The following PEAK1 variants were observed in gnomAD, a reference collection of about 807,000 sequenced individuals.
PEAK1 encodes the protein inactive tyrosine-protein kinase PEAK1.
A neutral mutation model predicts 124.7 loss-of-function variants in PEAK1; 54 were observed. The ratio of observed to expected loss-of-function variants is 0.43; its 90% CI spans 0.35 to 0.54. The LOEUF (loss-of-function observed/expected upper bound fraction) is 0.54, where lower values mean the gene tolerates loss of function less well. Ranked by LOEUF, PEAK1 falls within the 20% of genes least tolerant of loss-of-function variation. The pLI is 0.01. For synonymous variants in PEAK1, 719 were observed against 760.0 expected (o/e 0.95, Z 0.89); for missense variants, 2,046 against 2,134.5 (o/e 0.96, Z 0.82).
chr15:77,264,060 C>G (rs1486865326), intron 5 of PEAK1, among the ~76,000 whole-genome samples: 1 of 152,176 alleles, frequency 6.6e-6, no homozygotes. Context: ...AACAACCCTT[C>G]ATGCTAAAAA....
intron 6 of PEAK1, among the ~76,000 whole-genome samples, chr15:77,229,483 A>G (rs2059811444): frequency 6.6e-6 from 1 of 152,098 alleles, no homozygotes; most frequent in Admixed American, 6.6e-5. Flanking sequence ...GGCACTCATC[A>G]TTCTTATGGG....
chr15:77,265,001 G>A (rs1255135954), intron 5 of PEAK1, among the ~76,000 whole-genome samples: 4 of 152,154 alleles, frequency 2.6e-5, no homozygotes, highest in Admixed American at 1.3e-4. Flanking sequence ...ACAAGCAATG[G>A]GGAAAGGATT....
chr15:77,266,199 A>G (rs1555461302), intron 5 of PEAK1, among the ~76,000 whole-genome samples: 2 of 152,204 alleles, frequency 1.3e-5, no homozygotes, highest in Non-Finnish European at 2.9e-5. Context: ...ACATGTATAC[A>G]TATGTAACTA....
intron 7 of PEAK1, among the ~76,000 whole-genome samples, chr15:77,165,883 G>T (rs1440230812): frequency 6.6e-6 from 1 of 152,180 alleles, no homozygotes; most frequent in African/African-American, 2.4e-5. Flanking sequence ...TAAGGTGGTG[G>T]TAGAGTTGGG....
At chr15:77,365,671 C>A (rs557577953) in intron 1 of PEAK1, among the ~76,000 whole-genome samples, 7 of 141,926 alleles carry the variant, frequency 4.9e-5, no homozygotes, top group African/African-American at 1.8e-4. Context: ...ACCCGGGAGG[C>A]GGAGGTTGCA....
chr15:77,299,730 G>A (rs1251773905), intron 2 of PEAK1, among the ~76,000 whole-genome samples: 1 of 152,152 alleles, frequency 6.6e-6, no homozygotes, highest in Admixed American at 6.5e-5. Flanking sequence ...TGAAAGAAGT[G>A]TCATAGAAAT....
intron 6 of PEAK1, chr15:77,239,647 G>T: frequency 6.1e-6 from 1 of 163,690 alleles, no homozygotes; most frequent in Non-Finnish European, 1.3e-5. Flanking sequence ...GAAATAGGAT[G>T]TCCCTTCATA....
intron 1 of PEAK1, among the ~76,000 whole-genome samples, chr15:77,383,437 T>A (rs765254476): frequency 3.3e-5 from 5 of 152,234 alleles, no homozygotes; most frequent in Non-Finnish European, 7.3e-5. Context: ...ACGTTCCTTT[T>A]TGATCTTTTT....
chr15:77,343,955 A>G (rs1407628387), intron 2 of PEAK1, among the ~76,000 whole-genome samples: 1 of 152,128 alleles, frequency 6.6e-6, no homozygotes, highest in Non-Finnish European at 1.5e-5. Flanking sequence ...TAGGACTCCA[A>G]CTTCATTCTT....
intron 1 of PEAK1, chr15:77,381,535 C>G: frequency 1.1e-6 from 1 of 870,488 alleles, no homozygotes; most frequent in Non-Finnish European, 1.4e-6. Flanking sequence ...ATTACAGATT[C>G]AATTCATTGA....
intron 2 of PEAK1, among the ~76,000 whole-genome samples, chr15:77,321,095 T>C (rs1199828601): frequency 6.6e-6 from 1 of 152,232 alleles, no homozygotes; most frequent in Non-Finnish European, 1.5e-5. Context: ...GTCTTTGCTA[T>C]TGTGAACAGT....
At chr15:77,238,310 ACT>A (rs1005454857) in intron 6 of PEAK1, among the ~76,000 whole-genome samples, 22 of 151,532 alleles carry the variant, frequency 1.5e-4, no homozygotes, top group Non-Finnish European at 2.8e-4. Context: ...GCTGGTTGCT[ACT>A]CTTTCTGTCT....
At chr15:77,235,650 T>G (rs2060087218) in intron 6 of PEAK1, among the ~76,000 whole-genome samples, 1 of 152,214 alleles carries the variant, frequency 6.6e-6, no homozygotes, top group Non-Finnish European at 1.5e-5. Context: ...CTGCAGAAAT[T>G]TGCATAAGTA....
chr15:77,417,711 T>C (rs1291302565), intron 1 of PEAK1: 1 of 985,328 alleles, frequency 1.0e-6, no homozygotes, highest in Non-Finnish European at 1.2e-6. Flanking sequence ...CCCGTTCCAC[T>C]TAAACAGCAC....
At chr15:77,236,099 G>A (rs1202217504) in intron 6 of PEAK1, among the ~76,000 whole-genome samples, 5 of 152,246 alleles carry the variant, frequency 3.3e-5, no homozygotes, top group South Asian at 2.1e-4. Context: ...GAAAGGAAAC[G>A]TGGGGTTGGA....
intron 5 of PEAK1, among the ~76,000 whole-genome samples, chr15:77,254,371 T>A (rs1391343380): frequency 2.0e-5 from 3 of 152,168 alleles, no homozygotes; most frequent in Non-Finnish European, 4.4e-5. Flanking sequence ...TTTATAAAAA[T>A]TTTTTCTCTT....
At chr15:77,255,983 A>G (rs2061110156) in intron 5 of PEAK1, among the ~76,000 whole-genome samples, 1 of 152,118 alleles carries the variant, frequency 6.6e-6, no homozygotes, top group Admixed American at 6.6e-5. Context: ...AAAAGAAGCT[A>G]TTGTCTCAAG....
chr15:77,348,837 TAAC>T, intron 2 of PEAK1: 4 of 501,882 alleles, frequency 8.0e-6, no homozygotes, highest in Non-Finnish European at 9.9e-6. Flanking sequence ...AGTGGGGGTC[TAAC>T]TGTGTTGCTC....
intron 1 of PEAK1, chr15:77,418,324 C>T: frequency 2.0e-6 from 2 of 985,252 alleles, no homozygotes; most frequent in Non-Finnish European, 2.4e-6. Flanking sequence ...CATTAAAAAG[C>T]CTTAAAGAAA....
Sources: gnomAD v4.1 joint callset for allele counts (sites outside exome capture counted in the v4.1 genomes callset) on GRCh38, gnomAD v4.1.1 for gene constraint, MANE v1.5 for transcripts, NCBI Gene and HGNC (gene_info 2026-07-23, HGNC 2026-07-21) for gene names.